Variants in TBC1D5 observed in about 807,000 individuals in gnomAD.
TBC1D5 encodes TBC1 domain family, member 5.
TBC1D5 carries 75 observed loss-of-function variants against 100.3 expected under a neutral mutation model. That is an observed-to-expected ratio of 0.75 (90% CI 0.62 to 0.91). TBC1D5 has a LOEUF of 0.91. Among genes scored for constraint, TBC1D5 ranks in the 40% least tolerant of loss-of-function variants. TBC1D5 has a pLI of 0.00. For missense variants in TBC1D5, 910 were observed against 942.4 expected (o/e 0.97, Z 0.45); for synonymous variants, 323 against 325.6 (o/e 0.99, Z 0.09).
At chr3:17,284,147 T>C (rs546453650) in intron 15 of TBC1D5, among the ~76,000 whole-genome samples, 1 of 145,096 alleles carries the variant, frequency 6.9e-6, no homozygotes, top group African/African-American at 2.6e-5. Flanking sequence ...AGACAGAGTC[T>C]TGGTCTGTCA....
chr3:17,698,472 T>C (rs956886308), intron 1 of TBC1D5, among the ~76,000 whole-genome samples: 4 of 152,050 alleles, frequency 2.6e-5, no homozygotes, highest in African/African-American at 7.2e-5. Context: ...CCATTCAGGA[T>C]ATAGGCATGG....
Position 17,655,145 on chromosome 3 carries a change from T to C in TBC1D5, c.-100-31232A>G, listed in dbSNP as rs189855394. On this transcript the variant is annotated intron_variant, in intron 1 of 21. Transcript: ENST00000253692. The stretch of plus-strand genomic sequence containing the variant: ...TTCATTAATTTTTTGAAGGGTTTTT[T>C]GTGTCTCTATTTCCTTCAGTTCTGC... Among the ~76,000 whole-genome samples, 23 of 152,200 alleles carry C rather than the reference T, an allele frequency of 1.5e-4. No individual in the cohort carries two copies. The East Asian group carries it at 3.7e-3, about 24-fold the overall frequency.
intron 18 of TBC1D5, among the ~76,000 whole-genome samples, chr3:17,206,525 A>G (rs1473474317): frequency 6.6e-6 from 1 of 152,210 alleles, no homozygotes; most frequent in Non-Finnish European, 1.5e-5. Context: ...TTGTCACGAT[A>G]AAGAATAGAT....
intron 1 of TBC1D5, among the ~76,000 whole-genome samples, chr3:17,653,337 T>C (rs2065762343): frequency 6.6e-6 from 1 of 152,258 alleles, no homozygotes; most frequent in South Asian, 2.1e-4. Context: ...ATAATAATGC[T>C]GCCACATCAC....
At chr3:17,172,322 A>G (rs2067242296) in intron 19 of TBC1D5, among the ~76,000 whole-genome samples, 1 of 152,208 alleles carries the variant, frequency 6.6e-6, no homozygotes, top group African/African-American at 2.4e-5. Flanking sequence ...ATTTACAAAC[A>G]TTCTACTTAC....
intron 3 of TBC1D5, among the ~76,000 whole-genome samples, chr3:17,499,688 CAA>C (rs368826012): frequency 8.2e-5 from 10 of 122,386 alleles, no homozygotes; most frequent in Non-Finnish European, 8.6e-5. Flanking sequence ...ACACTGTCTC[CAA>C]AAAAAAAAAA....
intron 3 of TBC1D5, among the ~76,000 whole-genome samples, chr3:17,475,183 CA>C (rs202177622): frequency 0.067 from 10,201 of 151,762 alleles, 695 homozygotes; most frequent in African/African-American, 0.18. Flanking sequence ...TGCCCCGCCC[CA>C]CCCGTTTATA....
At chr3:17,620,228 G>A (rs1419616049) in intron 2 of TBC1D5, among the ~76,000 whole-genome samples, 1 of 152,202 alleles carries the variant, frequency 6.6e-6, no homozygotes, top group Non-Finnish European at 1.5e-5. Flanking sequence ...CCTGGGCTCA[G>A]GGGATCCTCT....
chr3:17,741,583 A>G (rs1301272674), upstream of TBC1D5, among the ~76,000 whole-genome samples: 2 of 152,218 alleles, frequency 1.3e-5, no homozygotes, highest in African/African-American at 2.4e-5. Flanking sequence ...ATTTTGTCCA[A>G]TTCAGAGTTG....
At chr3:17,342,707 T>G (rs922633952) in intron 13 of TBC1D5, among the ~76,000 whole-genome samples, 1 of 152,128 alleles carries the variant, frequency 6.6e-6, no homozygotes, top group African/African-American at 2.4e-5. Flanking sequence ...TGCCCAGAAA[T>G]TATTTTGGAT....
intron 3 of TBC1D5, among the ~76,000 whole-genome samples, chr3:17,432,553 GA>G (rs904228810): frequency 1.6e-4 from 24 of 151,926 alleles, no homozygotes; most frequent in Admixed American, 5.9e-4. Flanking sequence ...AGTCAACACA[GA>G]AAAAAATGTG....
chr3:17,637,076 C>T (rs938039285), intron 1 of TBC1D5, among the ~76,000 whole-genome samples: 34 of 148,768 alleles, frequency 2.3e-4, no homozygotes, highest in African/African-American at 7.4e-4. Context: ...GGCTGGAGTG[C>T]AGTGGCGTGA....
At chr3:17,573,769 C>A (rs1024261819) in intron 2 of TBC1D5, among the ~76,000 whole-genome samples, 1 of 151,996 alleles carries the variant, frequency 6.6e-6, no homozygotes, top group Admixed American at 6.6e-5. Context: ...TATCCTCCAT[C>A]CCAACCTCCA....
Position 17,456,985 on chromosome 3 carries a change from T to C in TBC1D5, c.98-28466A>G, listed in dbSNP as rs756637864. On this transcript the variant is annotated intron_variant, in intron 3 of 21. Transcript: ENST00000253692. ...AAGTTGAATAGTGGTTTTATGGGACTAACAGTGAGAATGTAGAGTGACTTT... is the reference window on the plus strand; with the variant it reads ...AAGTTGAATAGTGGTTTTATGGGACCAACAGTGAGAATGTAGAGTGACTTT... 2.9e-4 allele frequency among the ~76,000 whole-genome samples: 44 copies of C among 152,162 alleles called. 1 individual carries two copies. Among genetic ancestry groups the C allele is most frequent in the Non-Finnish European group, 4.7e-4 (32 of 67,998 alleles).
intron 2 of TBC1D5, among the ~76,000 whole-genome samples, chr3:17,528,998 T>A (rs982672606): frequency 1.3e-5 from 2 of 152,218 alleles, no homozygotes; most frequent in African/African-American, 4.8e-5. Context: ...TCTGGATTAG[T>A]CTTGAAGCCT....
intron 1 of TBC1D5, among the ~76,000 whole-genome samples, chr3:17,669,157 T>C (rs1024374846): frequency 6.6e-6 from 1 of 152,206 alleles, no homozygotes; most frequent in Admixed American, 6.5e-5. Context: ...CTGATTATTT[T>C]TAAAAGGTAG....
chr3:17,428,154 A>ATAC (rs1484626701), intron 4 of TBC1D5, among the ~76,000 whole-genome samples: 1 of 151,826 alleles, frequency 6.6e-6, no homozygotes, highest in Non-Finnish European at 1.5e-5. Context: ...ATGAAGCTGA[A>ATAC]TACTACATGT....
intron 8 of TBC1D5, among the ~76,000 whole-genome samples, chr3:17,393,213 T>G (rs1450751979): frequency 3.9e-5 from 6 of 152,156 alleles, no homozygotes; most frequent in Admixed American, 3.9e-4. Context: ...GGTTGTTTTT[T>G]TCTTGTAAAT....
At chr3:17,700,532 G>A (rs1195687171) in intron 1 of TBC1D5, among the ~76,000 whole-genome samples, 1 of 152,142 alleles carries the variant, frequency 6.6e-6, no homozygotes, top group Non-Finnish European at 1.5e-5. Flanking sequence ...TACCATCAGA[G>A]TGAACAGGCA....
Sources: allele counts gnomAD v4.1 joint callset (sites outside exome capture counted in the v4.1 genomes callset), GRCh38; gene constraint gnomAD v4.1.1; transcripts MANE v1.5; gene names NCBI Gene and HGNC (gene_info 2026-07-23, HGNC 2026-07-21).